The following RTKN2 variants were observed in gnomAD, a reference collection of about 807,000 sequenced individuals.
RTKN2 encodes rhotekin-2.
RTKN2 carries 69 observed loss-of-function variants against 71.5 expected under a neutral mutation model. The observed-to-expected ratio is 0.96, with a 90% CI of 0.79 to 1.18. The LOEUF is 1.18. Among genes scored for constraint, RTKN2 ranks in the 50% most tolerant of loss-of-function variants. RTKN2 has a pLI of 0.00. For missense variants in RTKN2, 724 were observed against 719.7 expected (o/e 1.01, Z -0.07); for synonymous variants, 236 against 236.5 (o/e 1.00, Z 0.02).
Position 62,246,009 on chromosome 10 carries a change from A to C in RTKN2, c.306T>G (p.Ile102Met), listed in dbSNP as rs1284974410. ...SKERTACKGK[I>M]AISDIRIPLM... Reference sequence around the variant, plus strand: ...TCATTTATAGCATACCTGATATGGCAATCTTTCCTTTACATGCTGTTCGTT... The same window carrying C: ...TCATTTATAGCATACCTGATATGGCCATCTTTCCTTTACATGCTGTTCGTT... Residue 102 changes from isoleucine to methionine, a missense_variant, in exon 3 of 12, where the codon ATT becomes ATG. Ile to Met is a conservative substitution (Grantham distance 10). Coordinates refer to ENST00000373789, the MANE Select transcript of RTKN2 (RefSeq NM_145307.4). The C allele has an allele frequency of 2.5e-6, 4 of 1,585,980 alleles. No individual in the cohort carries two copies. The highest frequency in any genetic ancestry group is 3.4e-6 in the Non-Finnish European group (4 of 1,162,686).
At chr10:62,233,371 A>G (rs1449492380) in intron 6 of RTKN2, among the ~76,000 whole-genome samples, 2 of 152,176 alleles carry the variant, frequency 1.3e-5, no homozygotes, top group African/African-American at 4.8e-5. Flanking sequence ...GAATTAAAGT[A>G]CCTTCCAGCA....
chr10:62,207,167 AATT>A (rs958188340), intron 9 of RTKN2, among the ~76,000 whole-genome samples: 2 of 152,116 alleles, frequency 1.3e-5, no homozygotes, highest in Non-Finnish European at 2.9e-5. Context: ...TTTATAGATG[AATT>A]TGGATATTTT....
rs182384824 is a variant in RTKN2, at chr10:62,193,623, C to A, written c.*4285G>T. 1 of 985,278 alleles carries A rather than the reference C, an allele frequency of 1.0e-6. No individual in the cohort carries two copies. Among genetic ancestry groups the A allele is most frequent in the East Asian group, 1.1e-4 (1 of 8,816 alleles). 61.0% of individuals were successfully genotyped at this position (985,278 alleles called of 1,614,324 possible). On this transcript the variant is annotated 3_prime_UTR_variant, in exon 12 of 12. Transcript: ENST00000373789. ...GCCAGGATTGCTCATTTCTCTCCCC[C>A]ACTCTGAGGCGCTCTGCAGGAATAA...
rs1841311750 is a variant in RTKN2 at position 62,195,617 on chromosome 10, AG to A, written c.*2290del. 7.0e-5 allele frequency: 6 copies of A among 86,256 alleles called. No individual in the cohort carries two copies. The highest frequency in any genetic ancestry group is 1.3e-4 in the Non-Finnish European group (6 of 45,516). The allele number at this position is 86,256 out of a possible 1,614,324, so 5.3% of individuals were successfully genotyped here. On this transcript the variant is annotated 3_prime_UTR_variant, in exon 12 of 12. Coordinates refer to ENST00000373789, the MANE Select transcript of RTKN2 (RefSeq NM_145307.4). ...ACGGACAGAGGGAATGAAGGAAGGAAGGAAGGAAGGAAGGAAGGAAGGAAGG... is the reference window on the plus strand; with the variant it reads ...ACGGACAGAGGGAATGAAGGAAGGAAGAAGGAAGGAAGGAAGGAAGGAAGG...
intron 9 of RTKN2, among the ~76,000 whole-genome samples, chr10:62,215,258 A>G (rs1439386176): frequency 6.6e-6 from 1 of 152,076 alleles, no homozygotes; most frequent in Admixed American, 6.6e-5. Context: ...AAAATTATTT[A>G]AGCTGAATCT....
chr10:62,228,305 T>A (rs1842072984), intron 6 of RTKN2, among the ~76,000 whole-genome samples: 1 of 152,180 alleles, frequency 6.6e-6, no homozygotes, highest in Non-Finnish European at 1.5e-5. Context: ...GAAAGTGGTA[T>A]TCTAGACGCC....
rs61850826 is a variant in RTKN2, at chr10:62,195,938, T to C, written c.*1970A>G. 99,590 of 984,932 alleles carry C rather than the reference T, an allele frequency of 0.1. 5,352 individuals carry two copies. The highest frequency in any genetic ancestry group is 0.26 in the South Asian group (5,423 of 21,264). The allele number at this position is 984,932 out of a possible 1,614,324, so 61.0% of individuals were successfully genotyped here. ...AATTTCTGTATGAATACTTTCTTTT[T>C]CTTATACACCTTAAGTCCTTCCTGC... On this transcript the variant is annotated 3_prime_UTR_variant, in exon 12 of 12. Transcript: ENST00000373789.
chr10:62,195,236 G>C lies in RTKN2; in HGVS notation c.*2672C>G. The C allele has an allele frequency of 4.1e-6, 4 of 979,614 alleles. No individual in the cohort carries two copies. Among genetic ancestry groups the C allele is most frequent in the Non-Finnish European group, 4.8e-6 (4 of 824,790 alleles). 60.7% of individuals were successfully genotyped at this position (979,614 alleles called of 1,614,324 possible). ...TGTTTCCCCAATTATATTATCAAGAGCTGACAGCTAACTCTTTGTTTCAAG... is the reference window on the plus strand; with the variant it reads ...TGTTTCCCCAATTATATTATCAAGACCTGACAGCTAACTCTTTGTTTCAAG... On this transcript the variant is annotated 3_prime_UTR_variant, in exon 12 of 12. Transcript: ENST00000373789.
At position 62,185,673 on chromosome 10, in the gene RTKN2, G is replaced by A. The variant is rs570925850; in HGVS notation, c.862-1286C>T. On this transcript the variant is annotated intron_variant, in intron 8 of 8. Transcript: ENST00000315289. ...TTGACTCAGTTTCAAATCATGGTGA[G>A]ACATCAAAGGAAAAAATTCTTGGTT... is the stretch of plus-strand genomic sequence containing the variant. 3.9e-5 allele frequency among the ~76,000 whole-genome samples: 6 copies of A among 152,264 alleles called. No homozygotes were observed. In the South Asian group the frequency reaches 1.2e-3, roughly 32 times the overall value.
chr10:62,197,687 G>T lies in RTKN2; in HGVS notation c.*221C>A. 1.2e-5 allele frequency: 16 copies of T among 1,345,258 alleles called. No individual in the cohort carries two copies. The highest frequency in any genetic ancestry group is 1.5e-5 in the Non-Finnish European group (16 of 1,053,136). The allele number at this position is 1,345,258 out of a possible 1,614,324, so 83.3% of individuals were successfully genotyped here. On this transcript the variant is annotated 3_prime_UTR_variant, in exon 12 of 12. Coordinates refer to ENST00000373789, the MANE Select transcript of RTKN2 (RefSeq NM_145307.4). ...ACAATTAGGATATTGTCTAGAAACT[G>T]CCTCTTGCACACTGCTGGAGAAATC...
Position 62,268,636 on chromosome 10 carries a change from C to A in RTKN2, c.-26G>T. 6.5e-7 allele frequency: 1 copy of A among 1,549,530 alleles called. No homozygotes were observed. Among genetic ancestry groups the A allele is most frequent in the Non-Finnish European group, 8.7e-7 (1 of 1,146,360 alleles). On this transcript the variant is annotated 5_prime_UTR_variant, in exon 1 of 12. Coordinates refer to ENST00000373789, the MANE Select transcript of RTKN2 (RefSeq NM_145307.4). ...CTCCAACGCGAACTGTCCGGGCCGT[C>A]GCCACTCCTTCAAAGGGAAGATTTG...
At position 62,256,702 on chromosome 10, in the gene RTKN2, GTC is replaced by G. The variant is rs759232130; in HGVS notation, c.257+5921_257+5922del. 4.5e-3 allele frequency among the ~76,000 whole-genome samples: 676 copies of G among 149,860 alleles called. 4 individuals are homozygous for G. Among genetic ancestry groups the G allele is most frequent in the Non-Finnish European group, 6.7e-3 (453 of 67,364 alleles). ...TGTGTATTTGTGTATGCGTGTGTGTGTCTGTGTGTGTATAGAAAAAATGGTAG... is the reference window on the plus strand; with the variant it reads ...TGTGTATTTGTGTATGCGTGTGTGTGTGTGTGTGTATAGAAAAAATGGTAG... On this transcript the variant is annotated intron_variant, in intron 2 of 11. Transcript: ENST00000373789.
At chr10:62,210,153 T>C (rs1282235188) in intron 9 of RTKN2, among the ~76,000 whole-genome samples, 1 of 152,162 alleles carries the variant, frequency 6.6e-6, no homozygotes, top group African/African-American at 2.4e-5. Flanking sequence ...GTGGCCCTTA[T>C]TTGGATCCTA....
rs148375207 is a variant in RTKN2 at position 62,197,946 on chromosome 10, T to G, written c.1792A>C (p.Ile598Leu). 6.2e-7 allele frequency: 1 copy of G among 1,614,010 alleles called. No homozygotes were observed. Among genetic ancestry groups the G allele is most frequent in the Admixed American group, 1.7e-5 (1 of 60,010 alleles). The change falls in exon 12 of 12, where the codon ATT becomes CTT. Residue 598 changes from isoleucine to leucine, a missense_variant. By Grantham distance (5) the Ile-to-Leu change is conservative. Coordinates refer to ENST00000373789, the MANE Select transcript of RTKN2 (RefSeq NM_145307.4). ...TGCAGCCATGATCTAGGGTCCAGAATGTCTTTGATGGATTTCTGCCTTGGA... is the reference window on the plus strand; with the variant it reads ...TGCAGCCATGATCTAGGGTCCAGAAGGTCTTTGATGGATTTCTGCCTTGGA... The part of the protein sequence containing the change: ...PAPRQKSIKD[I>L]LDPRSWLQAQ...
chr10:62,239,584 ACTTT>A (rs1473192835), intron 5 of RTKN2, 60 bp downstream of exon 5: 2 of 705,372 alleles, frequency 2.8e-6, no homozygotes, highest in South Asian at 4.2e-5. Context: ...AATAATAAGA[ACTTT>A]CTTTTAAAAA....
chr10:62,224,928 T>A (rs528715362), intron 6 of RTKN2, among the ~76,000 whole-genome samples: 1 of 152,262 alleles, frequency 6.6e-6, no homozygotes, highest in East Asian at 1.9e-4. Context: ...CTGTGAGCCC[T>A]GGAAGAGGAG....
intron 2 of RTKN2, among the ~76,000 whole-genome samples, chr10:62,247,663 A>C (rs531055129): frequency 2.0e-5 from 3 of 152,122 alleles, no homozygotes; most frequent in African/African-American, 7.2e-5. Flanking sequence ...ACAGAATAAA[A>C]AGTTCAATTC....
chr10:62,256,036 T>G (rs1227504629), intron 2 of RTKN2, among the ~76,000 whole-genome samples: 1 of 151,726 alleles, frequency 6.6e-6, no homozygotes, highest in African/African-American at 2.4e-5. Flanking sequence ...TTTTTTTTTT[T>G]GAGACAGGGT....
chr10:62,265,402 A>G (rs1484295632), intron 1 of RTKN2, among the ~76,000 whole-genome samples: 2 of 152,176 alleles, frequency 1.3e-5, no homozygotes, highest in Non-Finnish European at 2.9e-5. Flanking sequence ...CTTTATAGAA[A>G]TAGTTTACTG....
Sources: allele counts gnomAD v4.1 joint callset (sites outside exome capture counted in the v4.1 genomes callset), GRCh38; gene constraint gnomAD v4.1.1; transcripts MANE v1.5; gene names NCBI Gene and HGNC (gene_info 2026-07-23, HGNC 2026-07-21).